ROBO2: variants seen among roughly 807,000 people sequenced by gnomAD.
ROBO2 encodes roundabout guidance receptor 2.
ROBO2 carries 53 observed loss-of-function variants against 160.8 expected under a neutral mutation model. The observed-to-expected ratio is 0.33, with a 90% CI of 0.26 to 0.41. The LOEUF (loss-of-function observed/expected upper bound fraction) is 0.41. Ranked by LOEUF, ROBO2 falls within the 10% of genes least tolerant of loss-of-function variation. The pLI is 1.00. For missense variants in ROBO2, 1,577 were observed against 1,722.4 expected (o/e 0.92, Z 1.49); for synonymous variants, 664 against 611.7 (o/e 1.09, Z -1.26).
At chr3:77,639,432 T>C (rs1186681843) in intron 24 of ROBO2, among the ~76,000 whole-genome samples, 1 of 151,886 alleles carries the variant, frequency 6.6e-6, no homozygotes, top group Non-Finnish European at 1.5e-5. Flanking sequence ...GAAGTATAGG[T>C]GTAGGGAGGA....
At chr3:76,221,306 AGCAGTG>A (rs1703949307) in intron 2 of ROBO2, among the ~76,000 whole-genome samples, 1 of 151,138 alleles carries the variant, frequency 6.6e-6, no homozygotes, top group Admixed American at 6.6e-5. Flanking sequence ...GGTGATGGTG[AGCAGTG>A]CCACTCTCAT....
intron 2 of ROBO2, among the ~76,000 whole-genome samples, chr3:76,525,870 C>T (rs762294363): frequency 3.4e-4 from 51 of 151,910 alleles, no homozygotes; most frequent in Non-Finnish European, 3.2e-4. Context: ...AAAGTAGACA[C>T]TTTACCGCAG....
At chr3:77,107,334 C>G (rs1043773187) in intron 2 of ROBO2, among the ~76,000 whole-genome samples, 8 of 152,216 alleles carry the variant, frequency 5.3e-5, no homozygotes, top group South Asian at 2.1e-4. Context: ...GTAAGAGAGG[C>G]AGGTGTTTGG....
intron 8 of ROBO2, among the ~76,000 whole-genome samples, chr3:77,553,246 G>A (rs1257754214): frequency 1.3e-5 from 2 of 151,780 alleles, no homozygotes; most frequent in Admixed American, 6.6e-5. Flanking sequence ...ATTTTTGGGG[G>A]GTATCACAAA....
intron 2 of ROBO2, among the ~76,000 whole-genome samples, chr3:76,824,000 T>G (rs750024111): frequency 5.9e-5 from 9 of 152,138 alleles, no homozygotes; most frequent in Non-Finnish European, 1.3e-4. Flanking sequence ...CAATCCTGGT[T>G]TGTATGGCAG....
chr3:76,732,575 G>A (rs1345031681), intron 2 of ROBO2, among the ~76,000 whole-genome samples: 1 of 152,030 alleles, frequency 6.6e-6, no homozygotes, highest in Non-Finnish European at 1.5e-5. Context: ...TTTCAGTGTA[G>A]TTACCCAGTT....
intron 2 of ROBO2, among the ~76,000 whole-genome samples, chr3:76,981,342 A>G (rs549038265): frequency 6.6e-6 from 1 of 152,298 alleles, no homozygotes. Context: ...ATTTCTACAT[A>G]TCCTCCACAG....
chr3:77,619,667 C>A (rs1466856004), intron 22 of ROBO2, among the ~76,000 whole-genome samples: 1 of 152,110 alleles, frequency 6.6e-6, no homozygotes, highest in Non-Finnish European at 1.5e-5. Context: ...AATTTCCAGC[C>A]CCTCCAGAGG....
At chr3:76,944,135 A>T (rs1330205768) in intron 2 of ROBO2, among the ~76,000 whole-genome samples, 1 of 152,176 alleles carries the variant, frequency 6.6e-6, no homozygotes, top group Non-Finnish European at 1.5e-5. Context: ...AGGTCTGTTT[A>T]TGTTAAACTC....
intron 2 of ROBO2, among the ~76,000 whole-genome samples, chr3:76,673,028 A>G (rs1056475706): frequency 1.3e-5 from 2 of 152,112 alleles, no homozygotes; most frequent in African/African-American, 4.8e-5. Flanking sequence ...TGATAGTAAA[A>G]GTATGTGAAG....
chr3:76,693,395 G>A (rs748648852), intron 2 of ROBO2, among the ~76,000 whole-genome samples: 18 of 150,570 alleles, frequency 1.2e-4, no homozygotes, highest in South Asian at 2.1e-4. Flanking sequence ...ATATATGTAT[G>A]TGTATGTAAA....
At chr3:75,931,402 A>C (rs144019465) in intron 1 of ROBO2, among the ~76,000 whole-genome samples, 293 of 152,088 alleles carry the variant, frequency 1.9e-3, no homozygotes, top group African/African-American at 6.7e-3. Context: ...CCCAAGCTGG[A>C]GTGCAGTGGC....
chr3:76,978,757 G>A (rs1202392707), intron 2 of ROBO2, among the ~76,000 whole-genome samples: 1 of 151,916 alleles, frequency 6.6e-6, no homozygotes, highest in Non-Finnish European at 1.5e-5. Flanking sequence ...GGTTCACCCT[G>A]CTGCAGTTCC....
At chr3:77,293,896 G>A (rs1215398833) in intron 2 of ROBO2, among the ~76,000 whole-genome samples, 5 of 141,772 alleles carry the variant, frequency 3.5e-5, no homozygotes, top group Non-Finnish European at 6.0e-5. Context: ...GGCTAAACGA[G>A]TAAGCTGCAG....
intron 1 of ROBO2, among the ~76,000 whole-genome samples, chr3:75,918,267 C>G (rs572976870): frequency 6.6e-6 from 1 of 152,236 alleles, no homozygotes; most frequent in East Asian, 1.9e-4. Flanking sequence ...GCCAGTTTTC[C>G]CAGCGCCATT....
intron 17 of ROBO2, among the ~76,000 whole-genome samples, chr3:77,594,831 G>A (rs1378620483): frequency 5.9e-5 from 9 of 152,058 alleles, no homozygotes; most frequent in Non-Finnish European, 1.5e-5. Context: ...ATAATGCTAC[G>A]TTGATCTTGC....
At chr3:77,394,750 G>A (rs1249768866) in intron 2 of ROBO2, among the ~76,000 whole-genome samples, 1 of 144,358 alleles carries the variant, frequency 6.9e-6, no homozygotes, top group Non-Finnish European at 1.5e-5. Context: ...TGTAATAATT[G>A]TCATCATAGC....
At chr3:77,515,713 T>C (rs2089941509) in intron 5 of ROBO2, among the ~76,000 whole-genome samples, 1 of 151,720 alleles carries the variant, frequency 6.6e-6, no homozygotes, top group Non-Finnish European at 1.5e-5. Flanking sequence ...ATTGAATGCC[T>C]ATATTGTCCC....
At chr3:77,489,257 T>C (rs1386239670) in intron 4 of ROBO2, among the ~76,000 whole-genome samples, 1 of 152,198 alleles carries the variant, frequency 6.6e-6, no homozygotes. Flanking sequence ...TTTGCTTTGA[T>C]TTGTTTTTCT....
Sources: gnomAD v4.1 joint callset for allele counts (sites outside exome capture counted in the v4.1 genomes callset) on GRCh38, gnomAD v4.1.1 for gene constraint, MANE v1.5 for transcripts, NCBI Gene and HGNC (gene_info 2026-07-23, HGNC 2026-07-21) for gene names.